Variants in COL5A1 observed in about 807,000 individuals in gnomAD.
COL5A1 encodes the protein collagen type V alpha 1 chain.
In COL5A1, 16 loss-of-function variants were observed where a neutral mutation model predicts 263.7. The observed-to-expected ratio is 0.06, with a 90% CI of 0.04 to 0.09. COL5A1 has a LOEUF of 0.09. Ranked by LOEUF, COL5A1 falls within the 10% of genes least tolerant of loss-of-function variation. The pLI is 1.00. For missense variants in COL5A1, 2,036 were observed against 2,540.5 expected, an observed-to-expected ratio of 0.80 and a Z score of 4.27; for synonymous variants, 1,012 against 1,004.5, an observed-to-expected ratio of 1.01 and a Z score of -0.14.
At chr9:134,780,034 C>A in intron 27 of COL5A1, 68 bp from the exon 28 acceptor site, 4 of 1,572,844 alleles carry the variant, frequency 2.5e-6, no homozygotes, top group Non-Finnish European at 3.5e-6. Flanking sequence ...TCTTGACACG[C>A]CTGCGACAGC....
intron 63 of COL5A1, among the ~76,000 whole-genome samples, chr9:134,827,215 G>A (rs563004152): frequency 3.3e-4 from 50 of 152,302 alleles, no homozygotes; most frequent in Non-Finnish European, 6.0e-4. Flanking sequence ...GAGCAGCTAC[G>A]TTCTCCCCAG....
At chr9:134,762,057 A>G in intron 19 of COL5A1, 79 bp downstream of exon 19, 1 of 1,486,832 alleles carries the variant, frequency 6.7e-7, no homozygotes, top group South Asian at 1.1e-5. Flanking sequence ...CACAGAAGAG[A>G]GGCCCAGGTG....
In COL5A1 at chr9:134,700,522, C is replaced by T. The variant is rs1479303243; in HGVS notation, c.491+400C>T. On this transcript the variant is annotated intron_variant, in intron 3 of 65. Transcript: ENST00000371817. The surrounding 1 kb of genome is among the most constrained non-coding windows in gnomAD (Gnocchi z 4.0). The stretch of plus-strand genomic sequence containing the variant: ...GGAGTGAGCATGAGAAAAAGCGGGT[C>T]GTGCCAGCACGCTCTGTTGGGTGCA... Among the ~76,000 whole-genome samples the T allele has an allele frequency of 1.3e-5, 2 of 152,172 alleles. No homozygotes were observed. The highest frequency in any genetic ancestry group is 4.8e-5 in the African/African-American group (2 of 41,444).
At chr9:134,740,709 G>A (rs1310624581) in intron 11 of COL5A1, among the ~76,000 whole-genome samples, 3 of 152,206 alleles carry the variant, frequency 2.0e-5, no homozygotes, top group Non-Finnish European at 4.4e-5. Context: ...TCACCATGCG[G>A]TCCCTGCCTT....
intron 65 of COL5A1, among the ~76,000 whole-genome samples, chr9:134,837,854 C>T (rs776574131): frequency 3.9e-5 from 6 of 152,166 alleles, no homozygotes; most frequent in Non-Finnish European, 7.3e-5. Context: ...ACCTGAGGCC[C>T]AGAGAGTTAC....
chr9:134,736,366 G>A (rs190590812), intron 9 of COL5A1, among the ~76,000 whole-genome samples: 4 of 152,330 alleles, frequency 2.6e-5, no homozygotes, highest in African/African-American at 4.8e-5. Context: ...GGAAGGCATC[G>A]CATGGTGAGA....
At chr9:134,760,105 C>T (rs111071547) in intron 18 of COL5A1, among the ~76,000 whole-genome samples, 1,841 of 108,352 alleles carry the variant, frequency 0.017, no homozygotes, top group African/African-American at 0.058. Context: ...CACACCCCCA[C>T]ACTCATACAC....
At chr9:134,729,269 G>A (rs890208291) in intron 6 of COL5A1, among the ~76,000 whole-genome samples, 2 of 152,204 alleles carry the variant, frequency 1.3e-5, no homozygotes, top group African/African-American at 4.8e-5. Flanking sequence ...TGAAATTGGG[G>A]AGGGTTGTGA....
intron 21 of COL5A1, 41 bp from the exon 22 acceptor site, chr9:134,766,413 C>A (rs374023758): frequency 7.5e-6 from 12 of 1,604,380 alleles, no homozygotes; most frequent in African/African-American, 1.3e-5. Context: ...TGAGTTCTTT[C>A]GCATTCAGTT....
At chr9:134,736,787 T>C (rs533243028) in intron 9 of COL5A1, among the ~76,000 whole-genome samples, 1 of 152,364 alleles carries the variant, frequency 6.6e-6, no homozygotes, top group Non-Finnish European at 1.5e-5. Context: ...ACAAGCCTCA[T>C]GCTTCCAAAC....
chr9:134,711,549 G>A (rs1834042699), intron 4 of COL5A1, among the ~76,000 whole-genome samples: 1 of 152,138 alleles, frequency 6.6e-6, no homozygotes, highest in African/African-American at 2.4e-5. Flanking sequence ...GGCTGGTGCA[G>A]TGGCCACCGC....
At position 134,822,724 on chromosome 9, in the gene COL5A1, C is replaced by CCA. The variant is rs1554807652; in HGVS notation, c.4609-273_4609-272insAC. Among the ~76,000 whole-genome samples, 63 of 150,772 alleles carry CCA rather than the reference C, an allele frequency of 4.2e-4. 1 individual carries two copies. The highest frequency in any genetic ancestry group is 1.5e-3 in the African/African-American group (61 of 40,750). ...GGACATGCTCTTTTCCGCTGCGCCC[C>CCA]CCCCGCGGCTGTCTGAGCTGGGGTT... On this transcript the variant is annotated intron_variant, in intron 59 of 65. Transcript: ENST00000371817.
At chr9:134,718,086 C>T (rs1339476258) in intron 4 of COL5A1, among the ~76,000 whole-genome samples, 1 of 152,204 alleles carries the variant, frequency 6.6e-6, no homozygotes, top group African/African-American at 2.4e-5. Context: ...TTATGGGGCT[C>T]TCCAATGAAA....
At chr9:134,728,519 G>A (rs537330233) in intron 5 of COL5A1, 151 bp from the exon 6 acceptor site, 1 of 1,033,946 alleles carries the variant, frequency 9.7e-7, no homozygotes, top group East Asian at 2.4e-5. Context: ...GGAGAGGGAG[G>A]AACCCCATCC....
intron 65 of COL5A1, among the ~76,000 whole-genome samples, chr9:134,836,519 C>A (rs1171054951): frequency 6.6e-6 from 1 of 152,202 alleles, no homozygotes; most frequent in African/African-American, 2.4e-5. Flanking sequence ...GGAACGGGGC[C>A]GGCGTTAGGG....
chr9:134,796,737 G>C, intron 35 of COL5A1, 111 bp from the exon 36 acceptor site: 1 of 1,018,668 alleles, frequency 9.8e-7, no homozygotes, highest in Admixed American at 1.7e-5. Flanking sequence ...GGCCATGGGG[G>C]TGGGAAGAAA....
chr9:134,703,627 G>GTTTTTTT (rs55882557), intron 4 of COL5A1, among the ~76,000 whole-genome samples: 1 of 73,300 alleles, frequency 1.4e-5, no homozygotes, highest in African/African-American at 5.7e-5. Flanking sequence ...GTGGCCTCGG[G>GTTTTTTT]TTTTTTTTTT....
rs1164256220 is a variant in COL5A1, at chr9:134,716,312, C to T, written c.655-10954C>T. On this transcript the variant is annotated intron_variant, in intron 4 of 65. Transcript: ENST00000371817. This position sits in a 1 kb window ranked among gnomAD's most constrained non-coding sequence, Gnocchi z 4.5. ...GTGCCCAGGCCTCCTGTGGTCAGTG[C>T]CTTCCCTGTGCCATTCTTCTCGGGC... 1.3e-5 allele frequency among the ~76,000 whole-genome samples: 2 copies of T among 152,316 alleles called. No homozygotes were observed. Among genetic ancestry groups the T allele is most frequent in the Middle Eastern group, 3.4e-3 (1 of 294 alleles).
chr9:134,759,083 T>C (rs977275933), intron 18 of COL5A1, among the ~76,000 whole-genome samples: 1 of 152,050 alleles, frequency 6.6e-6, no homozygotes, highest in African/African-American at 2.4e-5. Flanking sequence ...ACATGAGGGC[T>C]CTTCACAGCT....
Sources: gnomAD v4.1 joint callset for allele counts (sites outside exome capture counted in the v4.1 genomes callset) on GRCh38, gnomAD v4.1.1 for gene constraint, Gnocchi (gnomAD v3.1) non-coding constraint, MANE v1.5 for transcripts, NCBI Gene and HGNC (gene_info 2026-07-23, HGNC 2026-07-21) for gene names.